Variants in ARHGEF11 observed in about 807,000 individuals in gnomAD.
The protein encoded by ARHGEF11 is Rho guanine nucleotide exchange factor 11, also known as Rho guanine exchange factor (GEF) 11.
Under a neutral mutation model 193.7 loss-of-function variants are expected in ARHGEF11, and 55 were observed. The observed-to-expected ratio is 0.28, with a 90% CI of 0.23 to 0.36. The LOEUF (loss-of-function observed/expected upper bound fraction) is 0.36, where lower values mean the gene tolerates loss of function less well. Ranked by LOEUF, ARHGEF11 falls within the 10% of genes least tolerant of loss-of-function variation. ARHGEF11 has a pLI of 1.00. For missense variants in ARHGEF11, 1,723 were observed against 2,005.6 expected (o/e 0.86, Z 2.69); for synonymous variants, 693 against 768.0 (o/e 0.90, Z 1.62).
At chr1:156,982,886 TAA>T in intron 3 of ARHGEF11, among the ~76,000 whole-genome samples, 5 of 152,336 alleles carry the variant, frequency 3.3e-5, no homozygotes, top group Admixed American at 3.3e-4. Flanking sequence ...CCCACTGATA[TAA>T]GTTTACTCCC....
intron 31 of ARHGEF11, 77 bp downstream of exon 31, chr1:156,944,281 G>A (rs1557830095): frequency 1.3e-6 from 2 of 1,516,088 alleles, no homozygotes; most frequent in Non-Finnish European, 9.1e-7. Context: ...ATGTTTCCAT[G>A]CTTGGGAAAG....
At chr1:156,944,278 C>A (rs16837807) in intron 31 of ARHGEF11, 80 bp downstream of exon 31, 298,797 of 1,510,156 alleles carry the variant, frequency 0.2, 31,359 homozygotes, top group East Asian at 0.39. Context: ...GTCATGTTTC[C>A]ATGCTTGGGA....
intron 11 of ARHGEF11, among the ~76,000 whole-genome samples, chr1:156,964,541 A>C (rs190574026): frequency 1.5e-4 from 23 of 152,286 alleles, no homozygotes. Context: ...TTTTCCTGAC[A>C]GTTCCTCTCT....
intron 3 of ARHGEF11, among the ~76,000 whole-genome samples, chr1:156,982,684 T>C (rs1176440424): frequency 6.6e-6 from 1 of 152,192 alleles, no homozygotes; most frequent in East Asian, 1.9e-4. Context: ...AAAGGAGAGC[T>C]GAACCTTGAC....
chr1:156,990,659 T>C (rs1665571714), intron 1 of ARHGEF11, among the ~76,000 whole-genome samples: 1 of 151,942 alleles, frequency 6.6e-6, no homozygotes, highest in Non-Finnish European at 1.5e-5. Context: ...AGATCCTGTT[T>C]CCCCCGCAAA....
At chr1:156,977,121 T>C in intron 6 of ARHGEF11, 67 bp from the exon 7 acceptor site, 1 of 1,370,696 alleles carries the variant, frequency 7.3e-7, no homozygotes, top group Non-Finnish European at 1.0e-6. Context: ...CTCTTCTATC[T>C]GCTGGTTCCT....
intron 1 of ARHGEF11, among the ~76,000 whole-genome samples, chr1:156,993,090 C>A (rs1430193693): frequency 6.6e-6 from 1 of 152,154 alleles, no homozygotes; most frequent in Middle Eastern, 3.2e-3. Flanking sequence ...CTTGATATAA[C>A]CTTATCTAAT....
rs1657691194 is a variant in ARHGEF11 at position 156,944,355 on chromosome 1, T to C, written c.3067+3A>G. 6.2e-7 allele frequency: 1 copy of C among 1,613,960 alleles called. No homozygotes were observed. Among genetic ancestry groups the C allele is most frequent in the Admixed American group, 1.7e-5 (1 of 59,996 alleles). On this transcript the variant is annotated splice_donor_region_variant and intron_variant, in intron 31 of 40. Transcript: ENST00000368194. ...TGCTCAGTCCCAGTCCCCTGGCACA[T>C]ACCCAAGGTCTTATCCTTGCTGATC...
At chr1:156,955,674 C>G (rs1353158190) in intron 20 of ARHGEF11, 29 bp downstream of exon 20, 1 of 1,569,574 alleles carries the variant, frequency 6.4e-7, no homozygotes. Context: ...CCAAGGAATG[C>G]CCAAGGCTGT....
intron 1 of ARHGEF11, among the ~76,000 whole-genome samples, chr1:157,035,296 T>G (rs1045212977): frequency 6.6e-6 from 1 of 152,088 alleles, no homozygotes; most frequent in African/African-American, 2.4e-5. Context: ...AGCATGGGTA[T>G]TCTAGTGGCA....
chr1:157,013,471 T>C (rs1044142549), intron 1 of ARHGEF11, among the ~76,000 whole-genome samples: 1 of 152,078 alleles, frequency 6.6e-6, no homozygotes, highest in Non-Finnish European at 1.5e-5. Flanking sequence ...TGCTTCTTGG[T>C]GAAGCATTTC....
chr1:156,939,626 A>G lies in ARHGEF11; in HGVS notation c.4018T>C (p.Ser1340Pro). The stretch of plus-strand genomic sequence containing the variant: ...GCCAGATTCCTGTCCAGTTCTGGAG[A>G]CTCCCATATCCCAGAATTTCTGGTC... Reference protein sequence around the residue: ...PRTRNSGIWESPELDRNLAED... With the variant: ...PRTRNSGIWEPPELDRNLAED... The change falls in exon 37 of 41, where the codon TCT becomes CCT. Residue 1340 changes from serine (S) to proline (P), a missense_variant. Transcript: ENST00000368194. The G allele has an allele frequency of 6.2e-7, 1 of 1,613,326 alleles. No individual in the cohort carries two copies. Among genetic ancestry groups the G allele is most frequent in the East Asian group, 2.2e-5 (1 of 44,856 alleles).
At chr1:156,998,964 A>G (rs1328660699) in intron 1 of ARHGEF11, among the ~76,000 whole-genome samples, 1 of 152,194 alleles carries the variant, frequency 6.6e-6, no homozygotes, top group African/African-American at 2.4e-5. Flanking sequence ...GGAAGATCCA[A>G]GATCTGATTA....
intron 18 of ARHGEF11, among the ~76,000 whole-genome samples, chr1:156,956,951 G>A (rs1660043150): frequency 6.6e-6 from 1 of 152,176 alleles, no homozygotes; most frequent in Admixed American, 6.5e-5. Flanking sequence ...GTCTGCAGCT[G>A]ATACTCTCAG....
In ARHGEF11 at chr1:156,937,229, C is replaced by T. The variant is rs1053900187; in HGVS notation, c.4440+20G>A. ...TGATGGACTGAAGGCCTGCAGGGAC[C>T]CAAGCCCTGCTTCCCTCACCTTGAG... On this transcript the variant is annotated intron_variant, in intron 39 of 40. Coordinates refer to ENST00000368194, the MANE Select transcript of ARHGEF11 (RefSeq NM_198236.3). 16 of 1,612,116 alleles carry T rather than the reference C, an allele frequency of 9.9e-6. No individual in the cohort carries two copies. Among genetic ancestry groups the T allele is most frequent in the Non-Finnish European group, 1.4e-5 (16 of 1,179,652 alleles).
intron 11 of ARHGEF11, among the ~76,000 whole-genome samples, chr1:156,964,165 C>T (rs772044445): frequency 1.3e-5 from 2 of 152,154 alleles, no homozygotes; most frequent in South Asian, 2.1e-4. Flanking sequence ...TTTGTTTGCC[C>T]GCTCAAGAAT....
intron 7 of ARHGEF11, among the ~76,000 whole-genome samples, chr1:156,972,703 C>T (rs1052134826): frequency 1.3e-5 from 2 of 152,202 alleles, no homozygotes; most frequent in Non-Finnish European, 2.9e-5. Flanking sequence ...CAAACCCCAA[C>T]CCTTCTCTAG....
chr1:156,945,315 G>A, intron 29 of ARHGEF11, 118 bp from the exon 30 acceptor site: 1 of 1,195,798 alleles, frequency 8.4e-7, no homozygotes, highest in South Asian at 1.5e-5. Flanking sequence ...AGCAGGCGTG[G>A]GTGGAGGGGA....
chr1:156,961,616 C>T, intron 14 of ARHGEF11, 61 bp downstream of exon 14: 2 of 1,477,506 alleles, frequency 1.4e-6, no homozygotes, highest in Non-Finnish European at 1.9e-6. Context: ...CTTAATTTTC[C>T]CTGCCTCTGA....
Sources: allele counts gnomAD v4.1 joint callset (sites outside exome capture counted in the v4.1 genomes callset), GRCh38; gene constraint gnomAD v4.1.1; transcripts MANE v1.5; gene names NCBI Gene and HGNC (gene_info 2026-07-23, HGNC 2026-07-21).